Variants in MYO18B observed in about 807,000 individuals in gnomAD.
The protein encoded by MYO18B is unconventional myosin-XVIIIb.
MYO18B carries 204 observed loss-of-function variants against 273.0 expected under a neutral mutation model. The ratio of observed to expected loss-of-function variants is 0.75; its 90% CI spans 0.67 to 0.84. MYO18B has a LOEUF of 0.84. Among genes scored for constraint, MYO18B ranks in the 40% least tolerant of loss-of-function variants. MYO18B has a pLI of 0.00. For missense variants in MYO18B, 3,212 were observed against 3,287.6 expected (o/e 0.98, Z 0.56); for synonymous variants, 1,330 against 1,305.7 (o/e 1.02, Z -0.40).
At chr22:25,824,698 C>G (rs77869637) in intron 13 of MYO18B, among the ~76,000 whole-genome samples, 315 of 152,258 alleles carry the variant, frequency 2.1e-3, no homozygotes, top group African/African-American at 7.3e-3. Flanking sequence ...ACTTGGACCC[C>G]ATTGGCCCTC....
chr22:25,989,608 C>T (rs376853100), intron 39 of MYO18B, among the ~76,000 whole-genome samples: 233 of 122,424 alleles, frequency 1.9e-3, no homozygotes, highest in African/African-American at 7.1e-3. Flanking sequence ...CGGTGAAACC[C>T]TGTCTCTACT....
the MYO18B span, among the ~76,000 whole-genome samples, chr22:26,039,502 A>G: frequency 2.6e-5 from 4 of 151,866 alleles, no homozygotes; most frequent in Non-Finnish European, 5.9e-5. Flanking sequence ...CACCTTGTCA[A>G]TTGCCCTCCT....
chr22:25,947,882 G>T, intron 36 of MYO18B, 54 bp downstream of exon 36: 1 of 1,358,894 alleles, frequency 7.4e-7, no homozygotes, highest in Non-Finnish European at 1.0e-6. Flanking sequence ...TGGGGTGAAT[G>T]GGGAATGTTG....
intron 3 of MYO18B, among the ~76,000 whole-genome samples, chr22:25,766,353 A>C (rs904589040): frequency 3.9e-5 from 6 of 152,164 alleles, no homozygotes; most frequent in African/African-American, 1.4e-4. Flanking sequence ...GGAAGATATA[A>C]ATGATAGATA....
chr22:25,847,764 A>G (rs958827995), intron 20 of MYO18B, 112 bp downstream of exon 20: 1 of 742,512 alleles, frequency 1.3e-6, no homozygotes, highest in African/African-American at 1.8e-5. Context: ...CTTCACACCC[A>G]GCATCCTGGT....
At chr22:25,746,514 C>T (rs2085782516) in intron 1 of MYO18B, among the ~76,000 whole-genome samples, 1 of 152,122 alleles carries the variant, frequency 6.6e-6, no homozygotes, top group African/African-American at 2.4e-5. Flanking sequence ...TGTCCTTGAC[C>T]CAGTAGATGC....
chr22:25,848,035 G>T (rs2090312107), intron 20 of MYO18B, among the ~76,000 whole-genome samples: 1 of 151,960 alleles, frequency 6.6e-6, no homozygotes, highest in South Asian at 2.1e-4. Context: ...GTGCTATGTT[G>T]GTTGGCTGCA....
At chr22:26,020,008 C>T (rs1444488124) in intron 42 of MYO18B, among the ~76,000 whole-genome samples, 1 of 151,994 alleles carries the variant, frequency 6.6e-6, no homozygotes, top group Non-Finnish European at 1.5e-5. Context: ...AGCCTTCTGC[C>T]CAGTAGGTGT....
the MYO18B span, among the ~76,000 whole-genome samples, chr22:26,048,752 G>A: frequency 2.0e-5 from 3 of 152,028 alleles, no homozygotes; most frequent in Non-Finnish European, 4.4e-5. Flanking sequence ...TGCAATGAAC[G>A]TATGCATGCA....
rs764472612 is a variant in MYO18B, at chr22:25,910,930, C to T, written c.5260-16C>T. ...GTTCATTTACCCTGTGATGTTTCTT[C>T]CCTGTGTATCCACAGCTTCATCAGC... On this transcript the variant is annotated splice_polypyrimidine_tract_variant and intron_variant, in intron 32 of 43. Transcript: ENST00000335473. 2 of 1,563,564 alleles carry T rather than the reference C, an allele frequency of 1.3e-6. No individual in the cohort carries two copies. The highest frequency in any genetic ancestry group is 1.2e-5 in the South Asian group (1 of 85,010).
chr22:25,795,892 A>G (rs904546144), intron 11 of MYO18B, among the ~76,000 whole-genome samples: 1 of 152,192 alleles, frequency 6.6e-6, no homozygotes, highest in African/African-American at 2.4e-5. Flanking sequence ...CAGTTCAAGA[A>G]TCAGAAAAGC....
intron 7 of MYO18B, 89 bp downstream of exon 7, chr22:25,772,599 C>T: frequency 7.6e-7 from 1 of 1,309,038 alleles, no homozygotes; most frequent in Non-Finnish European, 1.0e-6. Context: ...ACAGTAGAAC[C>T]ATCAGAGCCC....
Position 26,026,888 on chromosome 22 carries a change from T to C in MYO18B, c.6914T>C (p.Val2305Ala), listed in dbSNP as rs267606201. Residue 2305 changes from valine (V) to alanine (A), a missense_variant, in exon 43 of 44, where the codon GTT becomes GCT. Transcript: ENST00000335473. Reference sequence around the variant, plus strand: ...GACGAGGGAAACCTCTCGCTGAGGGTTGGGGCAAAGTCACCCCTGGAAATC... The same window carrying C: ...GACGAGGGAAACCTCTCGCTGAGGGCTGGGGCAAAGTCACCCCTGGAAATC... The part of the protein sequence containing the change: ...GSDEGNLSLR[V>A]GAKSPLEIEG... 1 of 1,603,896 alleles carries C rather than the reference T, an allele frequency of 6.2e-7. No individual in the cohort carries two copies. The highest frequency in any genetic ancestry group is 8.5e-7 in the Non-Finnish European group (1 of 1,174,312).
At chr22:25,899,520 C>T (rs887293173) in intron 29 of MYO18B, 1 of 152,210 alleles carries the variant, frequency 6.6e-6, no homozygotes, top group African/African-American at 2.4e-5. Flanking sequence ...AGATTTTGAA[C>T]TTGATCTGCA....
chr22:26,019,845 G>A (rs1488378238), intron 42 of MYO18B, among the ~76,000 whole-genome samples: 1 of 152,156 alleles, frequency 6.6e-6, no homozygotes, highest in Admixed American at 6.5e-5. Context: ...TCAGTCCTGG[G>A]AATTATGTTT....
intron 15 of MYO18B, among the ~76,000 whole-genome samples, chr22:25,830,330 A>G (rs1343240950): frequency 6.6e-6 from 1 of 152,134 alleles, no homozygotes; most frequent in Admixed American, 6.5e-5. Flanking sequence ...ATGATTTGCC[A>G]TAATAATGCT....
chr22:25,767,110 C>T (rs1047011427), intron 3 of MYO18B, among the ~76,000 whole-genome samples: 1 of 152,142 alleles, frequency 6.6e-6, no homozygotes, highest in African/African-American at 2.4e-5. Flanking sequence ...GGTGGTGAAG[C>T]GAGACATCAG....
In MYO18B at chr22:25,747,581, G is replaced by C. The variant is rs747262044; in HGVS notation, c.-110+5288G>C. Among the ~76,000 whole-genome samples the C allele has an allele frequency of 3.9e-5, 6 of 152,294 alleles. No homozygotes were observed. In the East Asian group the frequency reaches 7.7e-4, roughly 20 times the overall value. On this transcript the variant is annotated intron_variant, in intron 1 of 43. Transcript: ENST00000335473. ...AGGTCAGTGGAGCAACCATGATACA[G>C]AGAGGGGAGAGCCAATGGGCTGGAG...
intron 39 of MYO18B, among the ~76,000 whole-genome samples, chr22:25,979,578 G>A (rs2093128290): frequency 6.6e-6 from 1 of 152,088 alleles, no homozygotes; most frequent in Admixed American, 6.6e-5. Flanking sequence ...AAGGTTGTTG[G>A]GGTCCCATGA....
Sources: allele counts gnomAD v4.1 joint callset (sites outside exome capture counted in the v4.1 genomes callset), GRCh38; gene constraint gnomAD v4.1.1; transcripts MANE v1.5; gene names NCBI Gene and HGNC (gene_info 2026-07-23, HGNC 2026-07-21).